The following KIAA1671 variants were observed in gnomAD, a reference collection of about 807,000 sequenced individuals.
KIAA1671 encodes KIAA1671, also known as uncharacterized protein KIAA1671.
A neutral mutation model predicts 131.2 loss-of-function variants in KIAA1671; 52 were observed. That is an observed-to-expected ratio of 0.40 (90% confidence interval 0.32 to 0.50). The LOEUF (loss-of-function observed/expected upper bound fraction) is 0.50. Among genes scored for constraint, KIAA1671 ranks in the 20% least tolerant of loss-of-function variants. The pLI is 0.73. For missense variants in KIAA1671, 2,360 were observed against 2,364.2 expected (o/e 1.00, Z 0.04); for synonymous variants, 1,003 against 961.6 (o/e 1.04, Z -0.80).
At position 25,170,855 on chromosome 22, in the gene KIAA1671, T is replaced by G; in HGVS notation, c.4566T>G (p.Thr1522=). Residue 1522 remains threonine, a synonymous_variant, in exon 7 of 13, where the codon ACT becomes ACG. Coordinates refer to ENST00000358431, the MANE Select transcript of KIAA1671 (RefSeq NM_001145206.2). ...AGCAGTGTTTCTCCCGGCAGCCCAC[T>G]GAACCCAAGGACACTGACACCCTCG... The part of the protein sequence containing the change: ...QLKQCFSRQP[T]EPKDTDTLVH... The G allele has an allele frequency of 6.4e-7, 1 of 1,551,676 alleles. No individual in the cohort carries two copies. The highest frequency in any genetic ancestry group is 1.2e-5 in the South Asian group (1 of 84,048).
chr22:25,040,561 G>A lies in KIAA1671; in HGVS notation c.3431G>A (p.Ser1144Asn). 2 of 1,551,764 alleles carry A rather than the reference G, an allele frequency of 1.3e-6. No individual in the cohort carries two copies. Among genetic ancestry groups the A allele is most frequent in the African/African-American group, 1.4e-5 (1 of 73,142 alleles). Residue 1144 changes from serine (S) to asparagine (N), a missense_variant, in exon 5 of 13, where the codon AGC becomes AAC. By Grantham distance (46) the Ser-to-Asn change is conservative (BLOSUM62 1). Transcript: ENST00000358431. ...TCAGAAGATGGCCCTCGTCCTCAAA[G>A]CAATTGGAAGGAAAGTGCGAACAAG... Reference protein sequence around the residue: ...RGSEDGPRPQSNWKESANKMS... With the variant: ...RGSEDGPRPQNNWKESANKMS...
chr22:25,029,178 C>T lies in KIAA1671; in HGVS notation c.1179C>T (p.Asp393=), dbSNP rs1926128441. ...QSPWEEKAKL[D]PEPEKAAESP... ...CCTGGGAAGAAAAGGCCAAGCTGGA[C>T]CCAGAGCCAGAGAAGGCTGCTGAGT... Residue 393 remains aspartate, a synonymous_variant, in exon 3 of 13, where the codon GAC becomes GAT. Transcript: ENST00000358431. 1 of 1,456,588 alleles carries T rather than the reference C, an allele frequency of 6.9e-7. No homozygotes were observed. The highest frequency in any genetic ancestry group is 9.1e-7 in the Non-Finnish European group (1 of 1,101,846). 90.2% of individuals were successfully genotyped at this position (1,456,588 alleles called of 1,614,324 possible).
intron 6 of KIAA1671, among the ~76,000 whole-genome samples, chr22:25,106,509 C>T (rs2145905202): frequency 1.3e-5 from 2 of 152,250 alleles, no homozygotes; most frequent in Non-Finnish European, 2.9e-5. Flanking sequence ...GACTTCATCT[C>T]TGAAAACCAG....
Position 25,038,815 on chromosome 22 carries a change from C to T in KIAA1671, c.1685C>T (p.Pro562Leu), listed in dbSNP as rs1926752712. ...TGCATCCCGAGAAGCCCCTGGAAGCCTGGGACACTCCGGGATAAGTCCAGG... is the reference window on the plus strand; with the variant it reads ...TGCATCCCGAGAAGCCCCTGGAAGCTTGGGACACTCCGGGATAAGTCCAGG... ...GACIPRSPWK[P>L]GTLRDKSRQT... Residue 562 changes from proline (P) to leucine (L), a missense_variant, in exon 5 of 13, where the codon CCT becomes CTT. Pro to Leu is a moderately conservative substitution (Grantham distance 98). Around this residue, in one of 3 missense-constraint regions of KIAA1671, gnomAD observed 1,185 missense variants for 1,126.2 expected, o/e 1.05. Coordinates refer to ENST00000358431, the MANE Select transcript of KIAA1671 (RefSeq NM_001145206.2). 6.4e-7 allele frequency: 1 copy of T among 1,551,646 alleles called. No individual in the cohort carries two copies. The highest frequency in any genetic ancestry group is 1.4e-5 in the African/African-American group (1 of 73,038).
At chr22:25,076,852 G>A (rs1170070629) in intron 6 of KIAA1671, among the ~76,000 whole-genome samples, 2 of 152,192 alleles carry the variant, frequency 1.3e-5, no homozygotes, top group Non-Finnish European at 2.9e-5. Context: ...GCCTTTCAGA[G>A]GGGTCTCATT....
chr22:25,164,948 G>GGA (rs772935627), intron 6 of KIAA1671, among the ~76,000 whole-genome samples: 1 of 89,690 alleles, frequency 1.1e-5, no homozygotes, highest in Non-Finnish European at 2.0e-5. Flanking sequence ...ACTGTCTCGG[G>GGA]AAAAAAAAAA....
In KIAA1671 at chr22:25,029,262, G is replaced by C. The variant is rs942608351; in HGVS notation, c.1263G>C (p.Ala421=). 1 of 1,499,570 alleles carries C rather than the reference G, an allele frequency of 6.7e-7. No homozygotes were observed. Among genetic ancestry groups the C allele is most frequent in the Middle Eastern group, 1.7e-4 (1 of 5,718 alleles). 92.9% of individuals were successfully genotyped at this position (1,499,570 alleles called of 1,614,324 possible). A position where few individuals can be genotyped will look rare whatever the true frequency, so the allele number is the denominator to read the frequency against. ...LELAEVKSRV[A]DGEAAAGGEW... is the part of the protein sequence containing the mutation. ...TTGCTGAGGTTAAGAGCAGAGTGGC[G>C]GATGGGGAGGCCGCGGCAGGGGGAG... The change falls in exon 3 of 13, where the codon GCG becomes GCC. Residue 421 remains alanine (A), a synonymous_variant. Transcript: ENST00000358431.
chr22:25,000,825 T>TG (rs1406829869), intron 1 of KIAA1671, among the ~76,000 whole-genome samples: 9 of 151,984 alleles, frequency 5.9e-5, no homozygotes, highest in Middle Eastern at 3.4e-3. Context: ...GCTTTTTTTT[T>TG]TTTGAACAGA....
At chr22:25,086,985 G>C (rs1929758277) in intron 6 of KIAA1671, among the ~76,000 whole-genome samples, 1 of 152,204 alleles carries the variant, frequency 6.6e-6, no homozygotes, top group Admixed American at 6.5e-5. Context: ...CAGCTGAGCA[G>C]TAGGCATGGA....
chr22:24,973,972 G>A (rs533072035), intron 1 of KIAA1671, among the ~76,000 whole-genome samples: 1 of 151,610 alleles, frequency 6.6e-6, no homozygotes, highest in African/African-American at 2.4e-5. Flanking sequence ...GTGTAGACCC[G>A]GGCCTGGCTC....
At chr22:24,991,696 C>T (rs1262219498) in intron 1 of KIAA1671, among the ~76,000 whole-genome samples, 1 of 148,298 alleles carries the variant, frequency 6.7e-6, no homozygotes, top group Non-Finnish European at 1.5e-5. Flanking sequence ...CTCCTGACCT[C>T]GTGATCCGCC....
At chr22:25,037,184 G>A (rs1926649328) in intron 4 of KIAA1671, among the ~76,000 whole-genome samples, 1 of 151,924 alleles carries the variant, frequency 6.6e-6, no homozygotes, top group African/African-American at 2.4e-5. Context: ...TTGGCTGGGT[G>A]TAGTGATGCA....
intron 6 of KIAA1671, among the ~76,000 whole-genome samples, chr22:25,125,855 C>T (rs1384845183): frequency 6.6e-6 from 1 of 152,230 alleles, no homozygotes; most frequent in East Asian, 1.9e-4. Flanking sequence ...AGATTCTGGA[C>T]AAGGCCAAAG....
chr22:25,039,286 A>C lies in KIAA1671; in HGVS notation c.2156A>C (p.His719Pro). ...ENHNNNTFLK[H>P]LENPPTSQRI... ...CACAATAATAACACCTTCCTCAAAC[A>C]CTTGGAAAATCCTCCCACATCGCAG... The change falls in exon 5 of 13, where the codon CAC (histidine) becomes CCC (proline). Residue 719 changes from histidine (H) to proline (P), a missense_variant. By Grantham distance (77) the His-to-Pro change is moderately conservative. Around this residue, in one of 3 missense-constraint regions of KIAA1671, gnomAD observed 1,185 missense variants for 1,126.2 expected, o/e 1.05. Coordinates refer to ENST00000358431, the MANE Select transcript of KIAA1671 (RefSeq NM_001145206.2). 1 of 1,552,202 alleles carries C rather than the reference A, an allele frequency of 6.4e-7. No individual in the cohort carries two copies. Among genetic ancestry groups the C allele is most frequent in the Non-Finnish European group, 8.7e-7 (1 of 1,147,092 alleles).
At chr22:25,188,893 C>G (rs1340371856) in intron 11 of KIAA1671, among the ~76,000 whole-genome samples, 1 of 152,130 alleles carries the variant, frequency 6.6e-6, no homozygotes, top group East Asian at 1.9e-4. Flanking sequence ...TGGACCCACA[C>G]AGTTCAAACT....
chr22:24,965,138 C>T (rs1477455928), intron 1 of KIAA1671, among the ~76,000 whole-genome samples: 4 of 149,874 alleles, frequency 2.7e-5, no homozygotes, highest in South Asian at 2.1e-4. Context: ...CGGCTGGGGA[C>T]GGTGGCTCAC....
intron 6 of KIAA1671, among the ~76,000 whole-genome samples, chr22:25,145,105 A>G (rs759204340): frequency 6.6e-6 from 1 of 152,180 alleles, no homozygotes; most frequent in Non-Finnish European, 1.5e-5. Flanking sequence ...AGGTCCCCAG[A>G]GCTACCTGAC....
At chr22:25,099,916 T>A (rs911835535) in intron 6 of KIAA1671, among the ~76,000 whole-genome samples, 4 of 152,204 alleles carry the variant, frequency 2.6e-5, no homozygotes, top group Non-Finnish European at 5.9e-5. Flanking sequence ...TGTGTGCTCT[T>A]GGCTTGCACT....
chr22:25,148,571 C>G (rs189213353), intron 6 of KIAA1671, among the ~76,000 whole-genome samples: 1 of 152,286 alleles, frequency 6.6e-6, no homozygotes, highest in African/African-American at 2.4e-5. Context: ...CTCGCTGAAG[C>G]AGGACATGAG....
Sources: gnomAD v4.1 joint callset for allele counts (sites outside exome capture counted in the v4.1 genomes callset) on GRCh38, gnomAD v4.1.1 for gene constraint, gnomAD v4.1.1 regional missense constraint, MANE v1.5 for transcripts, NCBI Gene and HGNC (gene_info 2026-07-23, HGNC 2026-07-21) for gene names.